Variants in TENM3 observed in about 807,000 individuals in gnomAD.
The protein encoded by TENM3 is teneurin transmembrane protein 3.
A neutral mutation model predicts 255.1 loss-of-function variants in TENM3; 63 were observed. That is an observed-to-expected ratio of 0.25 (90% CI 0.20 to 0.30). The LOEUF is 0.30. TENM3 is among the 10% of genes least tolerant of loss of function. TENM3 has a pLI of 1.00. For missense variants in TENM3, 2,929 were observed against 3,461.1 expected (o/e 0.85, Z 3.86); for synonymous variants, 1,306 against 1,322.3 (o/e 0.99, Z 0.27).
chr4:182,029,605 A>C, the TENM3 span, among the ~76,000 whole-genome samples: 3 of 152,076 alleles, frequency 2.0e-5, no homozygotes, highest in African/African-American at 7.2e-5. Context: ...GTCTTCTTAT[A>C]CTTTTTGTCT....
chr4:182,189,912 A>G (rs1561181592), intron 1 of TENM3, among the ~76,000 whole-genome samples: 1 of 152,216 alleles, frequency 6.6e-6, no homozygotes, highest in Non-Finnish European at 1.5e-5. Context: ...GCATCTTTGA[A>G]AATACAATTT....
At chr4:182,455,441 C>A (rs1773785088) in intron 3 of TENM3, among the ~76,000 whole-genome samples, 2 of 152,064 alleles carry the variant, frequency 1.3e-5, no homozygotes, top group Non-Finnish European at 2.9e-5. Flanking sequence ...ATACCTCACC[C>A]TCTACTGCTC....
the TENM3 span, among the ~76,000 whole-genome samples, chr4:181,659,413 T>G: frequency 4.6e-5 from 7 of 152,138 alleles, no homozygotes; most frequent in Non-Finnish European, 7.4e-5. Flanking sequence ...CCAAGAACAC[T>G]CTCTTGGGGT....
At chr4:182,294,441 T>A (rs1456938287) in intron 1 of TENM3, among the ~76,000 whole-genome samples, 1 of 152,054 alleles carries the variant, frequency 6.6e-6, no homozygotes, top group African/African-American at 2.4e-5. Flanking sequence ...TTTTTTTTTT[T>A]TAAGTGGGAA....
chr4:182,758,715 C>G (rs1400432735), intron 22 of TENM3, among the ~76,000 whole-genome samples: 1 of 152,008 alleles, frequency 6.6e-6, no homozygotes, highest in Non-Finnish European at 1.5e-5. Context: ...CCTGTAAGTT[C>G]ACAAAGAAGG....
the TENM3 span, among the ~76,000 whole-genome samples, chr4:181,950,390 G>T: frequency 6.6e-6 from 1 of 152,156 alleles, no homozygotes; most frequent in Non-Finnish European, 1.5e-5. Context: ...AAGCCTGTTT[G>T]GTGGTCTCTT....
chr4:182,360,545 C>T (rs2150773096), intron 3 of TENM3, among the ~76,000 whole-genome samples: 1 of 151,634 alleles, frequency 6.6e-6, no homozygotes, highest in South Asian at 2.1e-4. Flanking sequence ...GATTGCAACC[C>T]CTGCCTTTTT....
chr4:181,554,400 T>A, the TENM3 span, among the ~76,000 whole-genome samples: 2 of 152,162 alleles, frequency 1.3e-5, no homozygotes, highest in Non-Finnish European at 2.9e-5. Context: ...GCTTCGTCAA[T>A]CAATTGGTTA....
chr4:182,361,756 G>A (rs1192768603), intron 3 of TENM3, among the ~76,000 whole-genome samples: 1 of 152,140 alleles, frequency 6.6e-6, no homozygotes, highest in South Asian at 2.1e-4. Context: ...TCCATTGCTG[G>A]TGAGGAACTG....
intron 22 of TENM3, among the ~76,000 whole-genome samples, chr4:182,760,588 ATT>A (rs1235349362): frequency 6.6e-6 from 1 of 152,164 alleles, no homozygotes; most frequent in African/African-American, 2.4e-5. Context: ...GGAGCTCTGT[ATT>A]TGTGGAGCTG....
intron 1 of TENM3, among the ~76,000 whole-genome samples, chr4:182,263,089 A>G (rs1758964553): frequency 6.6e-6 from 1 of 151,904 alleles, no homozygotes; most frequent in Admixed American, 6.6e-5. Context: ...CCTTTCCTGT[A>G]TCATATTTCT....
chr4:181,625,411 C>T, the TENM3 span, among the ~76,000 whole-genome samples: 8 of 152,178 alleles, frequency 5.3e-5, no homozygotes, highest in African/African-American at 1.9e-4. Flanking sequence ...TGTTCTGCTA[C>T]GTCCTGCCCA....
At chr4:182,007,393 G>T in the TENM3 span, among the ~76,000 whole-genome samples, 12 of 152,158 alleles carry the variant, frequency 7.9e-5, no homozygotes, top group Non-Finnish European at 1.8e-4. Context: ...CCTGTTTTAT[G>T]AATCTGGGTG....
the TENM3 span, among the ~76,000 whole-genome samples, chr4:181,891,257 C>A: frequency 6.6e-6 from 1 of 152,142 alleles, no homozygotes; most frequent in Non-Finnish European, 1.5e-5. Flanking sequence ...GCTACTTGTT[C>A]CCTAATAGGA....
intron 6 of TENM3, among the ~76,000 whole-genome samples, chr4:182,665,135 T>C (rs1321914989): frequency 6.6e-6 from 1 of 152,214 alleles, no homozygotes. Context: ...AGGGACAGGC[T>C]GACTCTGTTA....
chr4:181,595,420 G>A, the TENM3 span, among the ~76,000 whole-genome samples: 35 of 59,676 alleles, frequency 5.9e-4, no homozygotes, highest in Non-Finnish European at 1.1e-3. Context: ...GACAGAGCGA[G>A]ACTCCATCCC....
the TENM3 span, among the ~76,000 whole-genome samples, chr4:182,076,925 G>A: frequency 6.6e-6 from 1 of 152,118 alleles, no homozygotes. Flanking sequence ...GCCCTGCTTG[G>A]ACAAGGACAG....
the TENM3 span, among the ~76,000 whole-genome samples, chr4:181,912,339 G>A: frequency 1.3e-5 from 2 of 152,276 alleles, no homozygotes; most frequent in Non-Finnish European, 2.9e-5. Flanking sequence ...AGAATATGAT[G>A]AGCATACACA....
chr4:182,173,212 G>A (rs1416513539), intron 1 of TENM3, among the ~76,000 whole-genome samples: 1 of 152,144 alleles, frequency 6.6e-6, no homozygotes, highest in Admixed American at 6.6e-5. Context: ...TAAGGGTTCA[G>A]CACCTAAGAG....
Sources: allele counts gnomAD v4.1 joint callset (sites outside exome capture counted in the v4.1 genomes callset), GRCh38; gene constraint gnomAD v4.1.1; transcripts MANE v1.5; gene names NCBI Gene and HGNC (gene_info 2026-07-23, HGNC 2026-07-21).